LRRC7: variants seen among roughly 807,000 people sequenced by gnomAD.
LRRC7 encodes leucine rich repeat containing 7.
In LRRC7, 23 loss-of-function variants were observed where a neutral mutation model predicts 175.7. The ratio of observed to expected loss-of-function variants is 0.13; its 90% confidence interval spans 0.09 to 0.19. The LOEUF (loss-of-function observed/expected upper bound fraction) is 0.19. Ranked by LOEUF, LRRC7 falls within the 10% of genes least tolerant of loss-of-function variation. The pLI is 1.00. For synonymous variants in LRRC7, 685 were observed against 680.9 expected, an observed-to-expected ratio of 1.01 and a Z score of -0.09; for missense variants, 1,354 against 1,904.7, an observed-to-expected ratio of 0.71 and a Z score of 5.38.
intron 4 of LRRC7, among the ~76,000 whole-genome samples, chr1:69,802,886 A>T (rs894890425): frequency 2.0e-5 from 3 of 151,374 alleles, no homozygotes; most frequent in African/African-American, 4.8e-5. Context: ...ATATTTTTCT[A>T]TGTTTTCTTC....
At chr1:69,794,315 G>C (rs1675461499) in intron 4 of LRRC7, among the ~76,000 whole-genome samples, 1 of 152,032 alleles carries the variant, frequency 6.6e-6, no homozygotes, top group African/African-American at 2.4e-5. Flanking sequence ...TCATCTGAAA[G>C]AGACAATTAG....
At chr1:69,688,053 T>G (rs528165532) in intron 2 of LRRC7, among the ~76,000 whole-genome samples, 1 of 152,350 alleles carries the variant, frequency 6.6e-6, no homozygotes, top group African/African-American at 2.4e-5. Flanking sequence ...CCTCTTCTTT[T>G]GACATTCTGT....
chr1:69,895,327 G>A (rs542720381), intron 7 of LRRC7, among the ~76,000 whole-genome samples: 1 of 152,224 alleles, frequency 6.6e-6, no homozygotes, highest in South Asian at 2.1e-4. Flanking sequence ...AAACAAAAAA[G>A]CAAAGGTACA....
At chr1:69,587,416 T>C (rs1369395528) in intron 1 of LRRC7, among the ~76,000 whole-genome samples, 1 of 152,146 alleles carries the variant, frequency 6.6e-6, no homozygotes, top group Non-Finnish European at 1.5e-5. Context: ...TCCTTCAATC[T>C]CACCTCTGTG....
chr1:69,883,560 A>T (rs1431200820), intron 7 of LRRC7, among the ~76,000 whole-genome samples: 18 of 98,266 alleles, frequency 1.8e-4, no homozygotes, highest in Admixed American at 4.1e-4. Context: ...CCCATTTTGT[A>T]GGTTGCCTGT....
intron 7 of LRRC7, among the ~76,000 whole-genome samples, chr1:69,906,841 T>A (rs1646331851): frequency 6.6e-6 from 1 of 152,174 alleles, no homozygotes; most frequent in Non-Finnish European, 1.5e-5. Flanking sequence ...ATCTATAAAT[T>A]ACCTTGCGCA....
At chr1:70,001,170 A>T (rs1655484354) in intron 11 of LRRC7, among the ~76,000 whole-genome samples, 2 of 152,044 alleles carry the variant, frequency 1.3e-5, no homozygotes, top group Non-Finnish European at 2.9e-5. Context: ...TTTGTTTTTG[A>T]TTCCATTATA....
chr1:69,750,093 T>TAAATAAATAAATAAATA (rs139997047), intron 2 of LRRC7, among the ~76,000 whole-genome samples: 2 of 142,202 alleles, frequency 1.4e-5, no homozygotes. Context: ...AATAAATAAA[T>TAAATAAATAAATAAATA]AATAATAACT....
Position 70,142,579 on chromosome 1 carries a change from T to C in LRRC7, c.*20692T>C, listed in dbSNP as rs1467435275. 2.0e-5 allele frequency: 3 copies of C among 152,118 alleles called. No individual in the cohort carries two copies. Among genetic ancestry groups the C allele is most frequent in the Non-Finnish European group, 4.4e-5 (3 of 67,976 alleles). 9.4% of individuals were successfully genotyped at this position (152,118 alleles called of 1,614,324 possible). A position where few individuals can be genotyped will look rare whatever the true frequency, so the allele number is the denominator to read the frequency against. The stretch of plus-strand genomic sequence containing the variant: ...ATATGAAGAAGAAATTTTTTACTAG[T>C]GGAAAATTAGAAGTAAATCTACCAA... On this transcript the variant is annotated 3_prime_UTR_variant, in exon 27 of 27. Coordinates refer to ENST00000651989, the MANE Select transcript of LRRC7 (RefSeq NM_001370785.2).
In LRRC7 at chr1:70,011,701, TA is replaced by T. The variant is rs1230344809; in HGVS notation, c.1005-94del. 1.4e-5 allele frequency: 11 copies of T among 772,214 alleles called. No individual in the cohort carries two copies. In the African/African-American group the frequency reaches 1.6e-4, roughly 11 times the overall value. The allele number at this position is 772,214 out of a possible 1,614,324, so 47.8% of individuals were successfully genotyped here. A position where few individuals can be genotyped will look rare whatever the true frequency, so the allele number is the denominator to read the frequency against. On this transcript the variant is annotated intron_variant, in intron 11 of 26. Coordinates refer to ENST00000651989, the MANE Select transcript of LRRC7 (RefSeq NM_001370785.2). ...TAATATTATGTTGTTACCGCATGAA[TA>T]ACTTTTGTTTTGGTGAATTTTGGAT...
chr1:69,862,697 C>T (rs930119227), intron 7 of LRRC7, among the ~76,000 whole-genome samples: 1 of 152,062 alleles, frequency 6.6e-6, no homozygotes, highest in Non-Finnish European at 1.5e-5. Context: ...AGTCATTGTT[C>T]ATATCTTTTT....
chr1:69,748,234 A>G (rs1012472568), intron 2 of LRRC7, among the ~76,000 whole-genome samples: 2 of 152,186 alleles, frequency 1.3e-5, no homozygotes, highest in African/African-American at 4.8e-5. Flanking sequence ...GAAGTTATCT[A>G]TAGTTATGAT....
At chr1:69,894,894 A>G (rs184014937) in intron 7 of LRRC7, among the ~76,000 whole-genome samples, 1 of 152,328 alleles carries the variant, frequency 6.6e-6, no homozygotes, top group African/African-American at 2.4e-5. Context: ...TCTTCTGTAC[A>G]ACAAACAGTG....
At chr1:70,002,742 T>C (rs2101931452) in intron 11 of LRRC7, among the ~76,000 whole-genome samples, 1 of 152,238 alleles carries the variant, frequency 6.6e-6, no homozygotes, top group South Asian at 2.1e-4. Context: ...ATGGAAATAA[T>C]AATAATTGTC....
intron 1 of LRRC7, among the ~76,000 whole-genome samples, chr1:69,640,491 T>C (rs1473364497): frequency 6.6e-6 from 1 of 151,600 alleles, no homozygotes; most frequent in Non-Finnish European, 1.5e-5. Context: ...AGACTCATTA[T>C]GCATTGTTCT....
chr1:70,102,701 T>G (rs536189487), intron 25 of LRRC7, among the ~76,000 whole-genome samples: 1 of 152,328 alleles, frequency 6.6e-6, no homozygotes, highest in South Asian at 2.1e-4. Flanking sequence ...TAACATTTAT[T>G]GATGCTATAC....
chr1:69,928,324 G>A (rs916839549), intron 7 of LRRC7, among the ~76,000 whole-genome samples: 1 of 152,204 alleles, frequency 6.6e-6, no homozygotes, highest in Non-Finnish European at 1.5e-5. Context: ...GAGAACCACT[G>A]CTCTCTTCAA....
In LRRC7 at chr1:69,651,293, G is replaced by GA. The variant is rs11332234; in HGVS notation, c.3-27079dup. ...ACAAATCATCCTATGGTACTGATTA[G>GA]AAAAAAAAAGTGCACTACATTTGAA... On this transcript the variant is annotated intron_variant, in intron 1 of 26. Transcript: ENST00000651989. 9.1e-3 allele frequency among the ~76,000 whole-genome samples: 1,372 copies of GA among 151,272 alleles called. 23 individuals are homozygous for GA. The highest frequency in any genetic ancestry group is 0.031 in the African/African-American group (1,299 of 41,270).
At chr1:69,840,320 A>T (rs1309191723) in intron 7 of LRRC7, among the ~76,000 whole-genome samples, 1 of 152,050 alleles carries the variant, frequency 6.6e-6, no homozygotes, top group African/African-American at 2.4e-5. Context: ...ACCTCATGTA[A>T]CTTAAAGCTA....
Sources: allele counts gnomAD v4.1 joint callset (sites outside exome capture counted in the v4.1 genomes callset), GRCh38; gene constraint gnomAD v4.1.1; transcripts MANE v1.5; gene names NCBI Gene and HGNC (gene_info 2026-07-23, HGNC 2026-07-21).